FAM193A: variants seen among roughly 807,000 people sequenced by gnomAD.
FAM193A encodes protein FAM193A.
A neutral mutation model predicts 126.5 loss-of-function variants in FAM193A; 22 were observed. The observed-to-expected ratio is 0.17, with a 90% CI of 0.12 to 0.25. The LOEUF (loss-of-function observed/expected upper bound fraction) is 0.25, where lower values mean the gene tolerates loss of function less well. Among genes scored for constraint, FAM193A ranks in the 10% least tolerant of loss-of-function variants. FAM193A has a pLI of 1.00. For missense variants in FAM193A, 1,675 were observed against 1,672.8 expected (o/e 1.00, Z -0.02); for synonymous variants, 761 against 646.8 (o/e 1.18, Z -2.68).
chr4:2,668,224 T>C (rs1713355899), intron 12 of FAM193A, among the ~76,000 whole-genome samples: 1 of 151,634 alleles, frequency 6.6e-6, no homozygotes, highest in Non-Finnish European at 1.5e-5. Context: ...TTTTTTTTTT[T>C]TTTTTTTGAT....
chr4:2,586,265 A>G (rs1005850226), intron 1 of FAM193A, among the ~76,000 whole-genome samples: 81 of 151,942 alleles, frequency 5.3e-4, no homozygotes, highest in Non-Finnish European at 9.1e-4. Context: ...ATATATATAT[A>G]TATAGTTGAA....
chr4:2,645,518 T>C (rs1027556331), intron 6 of FAM193A, among the ~76,000 whole-genome samples: 7 of 152,064 alleles, frequency 4.6e-5, no homozygotes, highest in Non-Finnish European at 8.8e-5. Context: ...CTTTCTTTTT[T>C]TTTCTTTCTT....
chr4:2,551,677 G>A (rs1200617342), intron 1 of FAM193A, among the ~76,000 whole-genome samples: 2 of 151,678 alleles, frequency 1.3e-5, no homozygotes, highest in Non-Finnish European at 2.9e-5. Context: ...ATTCTTCCTT[G>A]CCAGTCTTAA....
At chr4:2,538,895 A>G (rs977522389) in intron 1 of FAM193A, among the ~76,000 whole-genome samples, 8 of 150,546 alleles carry the variant, frequency 5.3e-5, no homozygotes, top group Non-Finnish European at 1.2e-4. Context: ...TATTATTTTT[A>G]TTTATTTTTT....
In FAM193A at chr4:2,562,869, C is replaced by T. The variant is rs1455956621; in HGVS notation, c.255+25699C>T. 4.6e-5 allele frequency among the ~76,000 whole-genome samples: 7 copies of T among 151,662 alleles called. 1 individual carries two copies. Among genetic ancestry groups the T allele is most frequent in the African/African-American group, 1.5e-4 (6 of 41,350 alleles). ...GGTCTGGAACTCCTGACCTCATGAT[C>T]TGCTCGCCTTGGCCTTCCAAAGTGC... On this transcript the variant is annotated intron_variant, in intron 1 of 20. Coordinates refer to ENST00000637812, the MANE Select transcript of FAM193A (RefSeq NM_001366318.2).
chr4:2,728,346 A>C (rs1720991743), intron 20 of FAM193A, among the ~76,000 whole-genome samples: 1 of 149,470 alleles, frequency 6.7e-6, no homozygotes, highest in African/African-American at 2.5e-5. Flanking sequence ...CTAGGATTAC[A>C]AGCATGAACT....
At chr4:2,621,983 G>A (rs557590617) in intron 2 of FAM193A, among the ~76,000 whole-genome samples, 1 of 152,198 alleles carries the variant, frequency 6.6e-6, no homozygotes, top group South Asian at 2.1e-4. Flanking sequence ...GGCTTAGTGT[G>A]GTGGCTCACG....
At chr4:2,720,969 T>A (rs1720071621) in intron 20 of FAM193A, among the ~76,000 whole-genome samples, 1 of 152,098 alleles carries the variant, frequency 6.6e-6, no homozygotes, top group African/African-American at 2.4e-5. Context: ...GCCAGGAGTT[T>A]GAGACCAACC....
At chr4:2,570,030 A>G (rs997850034) in intron 1 of FAM193A, among the ~76,000 whole-genome samples, 6 of 152,160 alleles carry the variant, frequency 3.9e-5, no homozygotes, top group African/African-American at 1.4e-4. Context: ...TGGATAAGTC[A>G]AATACATCTG....
chr4:2,722,459 C>T (rs909064025), intron 20 of FAM193A, among the ~76,000 whole-genome samples: 1 of 152,166 alleles, frequency 6.6e-6, no homozygotes, highest in Non-Finnish European at 1.5e-5. Flanking sequence ...TGTTCTTGAG[C>T]ATTCTATTCC....
chr4:2,642,323 C>T (rs1162740653), intron 6 of FAM193A, among the ~76,000 whole-genome samples: 1 of 151,772 alleles, frequency 6.6e-6, no homozygotes, highest in African/African-American at 2.4e-5. Flanking sequence ...ACAAAAAAAT[C>T]AGAACAAGGT....
In FAM193A at chr4:2,693,641, C is replaced by T. The variant is rs751951101; in HGVS notation, c.2859C>T (p.Ala953=). The T allele has an allele frequency of 3.7e-6, 6 of 1,614,178 alleles. No homozygotes were observed. The highest frequency in any genetic ancestry group is 5.1e-6 in the Non-Finnish European group (6 of 1,180,026). Residue 953 remains alanine, a synonymous_variant, in exon 16 of 21, where the codon GCC becomes GCT. Transcript: ENST00000637812. ...ACCACAGACACTCGGCCCCAGCCGCCCCGAGGAATAGCCCCACGGGCTTGG... is the reference window on the plus strand; with the variant it reads ...ACCACAGACACTCGGCCCCAGCCGCTCCGAGGAATAGCCCCACGGGCTTGG... ...KEDHRHSAPA[A]PRNSPTGLAP...
At chr4:2,673,903 T>C (rs570226686) in intron 13 of FAM193A, among the ~76,000 whole-genome samples, 1 of 152,344 alleles carries the variant, frequency 6.6e-6, no homozygotes, top group Admixed American at 6.5e-5. Flanking sequence ...ATTAGAGATC[T>C]ATATATGGGT....
At chr4:2,554,128 A>G (rs1417905978) in intron 1 of FAM193A, among the ~76,000 whole-genome samples, 10 of 152,128 alleles carry the variant, frequency 6.6e-5, no homozygotes, top group African/African-American at 2.2e-4. Context: ...TCTGTCACCC[A>G]GGCTGGAGTG....
chr4:2,708,603 C>G (rs1718576208), intron 19 of FAM193A, among the ~76,000 whole-genome samples: 1 of 152,058 alleles, frequency 6.6e-6, no homozygotes, highest in African/African-American at 2.4e-5. Flanking sequence ...GCTGGGATTA[C>G]AGGCGCACAC....
At chr4:2,543,920 G>A (rs977701854) in intron 1 of FAM193A, among the ~76,000 whole-genome samples, 3 of 146,124 alleles carry the variant, frequency 2.1e-5, no homozygotes, top group African/African-American at 5.0e-5. Flanking sequence ...ACCATACAGC[G>A]TATCCTCTGC....
chr4:2,689,756 TGACATC>T, intron 14 of FAM193A, 52 bp downstream of exon 14: 1 of 1,321,148 alleles, frequency 7.6e-7, no homozygotes, highest in Non-Finnish European at 1.0e-6. Flanking sequence ...CTGAGTAGAC[TGACATC>T]TTTGCCGTAG....
intron 1 of FAM193A, among the ~76,000 whole-genome samples, chr4:2,594,799 CTTTCT>C (rs941664649): frequency 1.2e-4 from 10 of 81,742 alleles, no homozygotes; most frequent in South Asian, 7.9e-4. Flanking sequence ...GACTCAGTTT[CTTTCT>C]TTTTCTTTTC....
At chr4:2,576,130 A>T (rs1412214307) in intron 1 of FAM193A, among the ~76,000 whole-genome samples, 2 of 151,804 alleles carry the variant, frequency 1.3e-5, no homozygotes, top group Non-Finnish European at 2.9e-5. Context: ...GGAGTCCCAC[A>T]TTGTCGCCCG....
Sources: gnomAD v4.1 joint callset for allele counts (sites outside exome capture counted in the v4.1 genomes callset) on GRCh38, gnomAD v4.1.1 for gene constraint, MANE v1.5 for transcripts, NCBI Gene and HGNC (gene_info 2026-07-23, HGNC 2026-07-21) for gene names.